PPFIA1: variants seen among roughly 807,000 people sequenced by gnomAD.
PPFIA1 encodes liprin-alpha-1.
In PPFIA1, 25 loss-of-function variants were observed where a neutral mutation model predicts 149.9. That is an observed-to-expected ratio of 0.17 (90% confidence interval 0.12 to 0.23). The LOEUF is 0.23. Among genes scored for constraint, PPFIA1 ranks in the 10% least tolerant of loss-of-function variants. The probability of loss-of-function intolerance (pLI) is 1.00; values close to 1 mark genes in which losing one functional copy is unlikely to be tolerated. For synonymous variants in PPFIA1, 549 were observed against 552.8 expected (o/e 0.99, Z 0.10); for missense variants, 1,362 against 1,506.5 (o/e 0.90, Z 1.59).
intron 21 of PPFIA1, among the ~76,000 whole-genome samples, chr11:70,369,250 T>C (rs1438208537): frequency 1.3e-5 from 2 of 152,060 alleles, no homozygotes; most frequent in African/African-American, 2.4e-5. Context: ...GATGATATGG[T>C]TTTTTTTCAA....
chr11:70,279,152 C>T (rs758334793), intron 2 of PPFIA1: 11 of 539,584 alleles, frequency 2.0e-5, no homozygotes, highest in Non-Finnish European at 2.1e-5. Context: ...CAGCGGCAGT[C>T]GCGCCCACAC....
chr11:70,271,422 T>A (rs1380798195), intron 1 of PPFIA1: 1 of 152,280 alleles, frequency 6.6e-6, no homozygotes, highest in Non-Finnish European at 1.5e-5. Flanking sequence ...TGTCTTTATA[T>A]CCCAGACACT....
intron 21 of PPFIA1, among the ~76,000 whole-genome samples, chr11:70,366,485 T>C (rs1356602095): frequency 6.6e-6 from 1 of 152,260 alleles, no homozygotes; most frequent in Non-Finnish European, 1.5e-5. Flanking sequence ...TCTTGAGTAC[T>C]GTATATTTGA....
At position 70,296,505 on chromosome 11, in the gene PPFIA1, C is replaced by T. The variant is rs533208218; in HGVS notation, c.264+24069C>T. 2.2e-4 allele frequency among the ~76,000 whole-genome samples: 34 copies of T among 152,224 alleles called. No homozygotes were observed. In the South Asian group the frequency reaches 6.6e-3, roughly 30 times the overall value. The stretch of plus-strand genomic sequence containing the variant: ...GGCCAGCCCGGCCAACACAGCGAAA[C>T]CCCGTCTCCACCAAAAAAATACGAA... On this transcript the variant is annotated intron_variant, in intron 2 of 27. Coordinates refer to ENST00000253925, the MANE Select transcript of PPFIA1 (RefSeq NM_003626.5).
At chr11:70,298,871 A>T (rs2052276969) in intron 2 of PPFIA1, among the ~76,000 whole-genome samples, 1 of 152,204 alleles carries the variant, frequency 6.6e-6, no homozygotes, top group South Asian at 2.1e-4. Context: ...ACTGTCAGTA[A>T]TTTAGAGGGT....
chr11:70,338,006 G>A (rs1341309679), intron 12 of PPFIA1, among the ~76,000 whole-genome samples: 1 of 152,194 alleles, frequency 6.6e-6, no homozygotes, highest in Admixed American at 6.5e-5. Flanking sequence ...CATACTTGAT[G>A]TAAGACAATT....
In PPFIA1 at chr11:70,383,051, A is replaced by G. The variant is rs1391234529; in HGVS notation, c.*61A>G. ...TGATTATGCAGCATTTGAATCCAACAAAGACTACATTTTGGAATCCAGTGG... is the reference window on the plus strand; with the variant it reads ...TGATTATGCAGCATTTGAATCCAACGAAGACTACATTTTGGAATCCAGTGG... On this transcript the variant is annotated 3_prime_UTR_variant, in exon 28 of 28. Coordinates refer to ENST00000253925, the MANE Select transcript of PPFIA1 (RefSeq NM_003626.5). 7.3e-6 allele frequency: 3 copies of G among 412,572 alleles called. No individual in the cohort carries two copies. The highest frequency in any genetic ancestry group is 1.4e-5 in the Non-Finnish European group (3 of 213,762). 25.6% of individuals were successfully genotyped at this position (412,572 alleles called of 1,614,324 possible). A position where few individuals can be genotyped will look rare whatever the true frequency, so the allele number is the denominator to read the frequency against.
intron 2 of PPFIA1, chr11:70,284,210 G>A (rs2136122592): frequency 2.5e-6 from 1 of 396,934 alleles, no homozygotes; most frequent in African/African-American, 2.1e-5. Context: ...TGCCCCTTCA[G>A]ATGGTGCCCC....
chr11:70,326,302 T>C lies in PPFIA1; in HGVS notation c.647T>C (p.Leu216Pro). 1.9e-6 allele frequency: 3 copies of C among 1,609,470 alleles called. No homozygotes were observed. Among genetic ancestry groups the C allele is most frequent in the Non-Finnish European group, 2.5e-6 (3 of 1,177,166 alleles). ...GAACAGAATAATCAGAAAAAAACTC[T>C]AACAGATGGAGTGCTGGACATAAAC... ...LKEQNNQKKT[L>P]TDGVLDINHE... is the part of the protein sequence containing the mutation. Residue 216 changes from leucine (L) to proline (P), a missense_variant, in exon 6 of 28, where the codon CTA (leucine) becomes CCA (proline). This residue lies in a region of PPFIA1 where 733 missense variants were observed against 744.1 expected (regional missense o/e 0.99). Transcript: ENST00000253925.
intron 2 of PPFIA1, among the ~76,000 whole-genome samples, chr11:70,307,535 A>G (rs995595589): frequency 1.3e-5 from 2 of 152,226 alleles, no homozygotes; most frequent in African/African-American, 4.8e-5. Flanking sequence ...AAGAGTGAAC[A>G]GGGCTGAAAG....
At chr11:70,316,145 C>T (rs1265631013) in intron 2 of PPFIA1, among the ~76,000 whole-genome samples, 1 of 152,074 alleles carries the variant, frequency 6.6e-6, no homozygotes, top group Non-Finnish European at 1.5e-5. Flanking sequence ...AGTCTCGGCT[C>T]ACTGCAGCCT....
intron 19 of PPFIA1, among the ~76,000 whole-genome samples, chr11:70,358,864 T>C (rs1266553149): frequency 6.6e-6 from 1 of 152,212 alleles, no homozygotes; most frequent in Non-Finnish European, 1.5e-5. Context: ...TCGTCAGCTT[T>C]GATAGCGCAT....
chr11:70,291,097 CT>C (rs1320869105), intron 2 of PPFIA1, among the ~76,000 whole-genome samples: 1 of 152,026 alleles, frequency 6.6e-6, no homozygotes, highest in African/African-American at 2.4e-5. Flanking sequence ...GTTGGTCAGC[CT>C]GGTCTTGAAC....
At chr11:70,283,871 A>G (rs2050927556) in intron 2 of PPFIA1, 2 of 465,460 alleles carry the variant, frequency 4.3e-6, no homozygotes. Context: ...GCTCCTAAAC[A>G]TTCTGCAGTG....
chr11:70,331,318 C>T (rs942778223), intron 8 of PPFIA1, among the ~76,000 whole-genome samples: 20 of 151,620 alleles, frequency 1.3e-4, no homozygotes, highest in Non-Finnish European at 2.6e-4. Context: ...CTTGTAATTA[C>T]GAGTATCACT....
chr11:70,296,669 G>A (rs1250466302), intron 2 of PPFIA1, among the ~76,000 whole-genome samples: 3 of 147,404 alleles, frequency 2.0e-5, no homozygotes, highest in Admixed American at 2.0e-4. Flanking sequence ...GAGGGAGACC[G>A]TGGAAAGAGA....
intron 16 of PPFIA1, chr11:70,350,869 C>A: frequency 2.8e-6 from 1 of 358,202 alleles, no homozygotes; most frequent in Non-Finnish European, 4.0e-6. Flanking sequence ...GTTACATTTT[C>A]TCTAAATCCT....
intron 2 of PPFIA1, chr11:70,284,205 C>T (rs915634235): frequency 1.3e-5 from 5 of 397,642 alleles, no homozygotes; most frequent in African/African-American, 1.1e-4. Context: ...ATGACTGCCC[C>T]TTCAGATGGT....
At chr11:70,353,272 G>A (rs924608289) in intron 16 of PPFIA1, among the ~76,000 whole-genome samples, 10 of 152,162 alleles carry the variant, frequency 6.6e-5, no homozygotes, top group East Asian at 1.9e-4. Flanking sequence ...TTTGGAGGCC[G>A]AGGCAAGAAT....
Sources: gnomAD v4.1 joint callset for allele counts (sites outside exome capture counted in the v4.1 genomes callset) on GRCh38, gnomAD v4.1.1 for gene constraint, gnomAD v4.1.1 regional missense constraint, MANE v1.5 for transcripts, NCBI Gene and HGNC (gene_info 2026-07-23, HGNC 2026-07-21) for gene names.